The following FBXL13 variants were observed in gnomAD, a reference collection of about 807,000 sequenced individuals.
The protein encoded by FBXL13 is F-box and leucine-rich repeat protein 13.
A neutral mutation model predicts 83.6 loss-of-function variants in FBXL13; 67 were observed. The ratio of observed to expected loss-of-function variants is 0.80; its 90% confidence interval spans 0.66 to 0.98. The LOEUF (loss-of-function observed/expected upper bound fraction) is 0.98, where lower values mean the gene tolerates loss of function less well. FBXL13 is among the 50% of genes least tolerant of loss of function. FBXL13 has a pLI of 0.00. For missense variants in FBXL13, 822 were observed against 866.5 expected, an observed-to-expected ratio of 0.95 and a Z score of 0.64; for synonymous variants, 272 against 299.5, an observed-to-expected ratio of 0.91 and a Z score of 0.95.
chr7:102,850,926 G>A (rs184180165), intron 17 of FBXL13, among the ~76,000 whole-genome samples: 77 of 152,258 alleles, frequency 5.1e-4, no homozygotes, highest in Middle Eastern at 3.4e-3. Flanking sequence ...ATTGTTCCCA[G>A]TGAGCAACAG....
At chr7:102,972,990 G>A (rs1826911648) in intron 6 of FBXL13, among the ~76,000 whole-genome samples, 1 of 152,084 alleles carries the variant, frequency 6.6e-6, no homozygotes, top group Non-Finnish European at 1.5e-5. Context: ...TGTTTATAAT[G>A]TGGAATGATT....
intron 6 of FBXL13, among the ~76,000 whole-genome samples, chr7:103,020,226 C>G (rs1792970223): frequency 6.6e-6 from 1 of 152,204 alleles, no homozygotes; most frequent in Non-Finnish European, 1.5e-5. Flanking sequence ...GCAAAAACCA[C>G]ATGATTATCT....
chr7:102,964,864 T>C (rs985900818), intron 7 of FBXL13, among the ~76,000 whole-genome samples: 1 of 152,166 alleles, frequency 6.6e-6, no homozygotes, highest in African/African-American at 2.4e-5. Context: ...CCTAAATGTC[T>C]TTCGATAGGA....
At chr7:102,907,000 T>C (rs1813864962) in intron 11 of FBXL13, among the ~76,000 whole-genome samples, 1 of 152,104 alleles carries the variant, frequency 6.6e-6, no homozygotes, top group South Asian at 2.1e-4. Context: ...TGAGACTGAG[T>C]CTCGCTCTGT....
At chr7:102,881,354 T>C (rs1810030810) in intron 14 of FBXL13, among the ~76,000 whole-genome samples, 1 of 150,316 alleles carries the variant, frequency 6.7e-6, no homozygotes, top group South Asian at 2.1e-4. Flanking sequence ...GGAGAATCAT[T>C]TGAACCCAAC....
chr7:102,820,906 C>T (rs914705014), intron 19 of FBXL13, among the ~76,000 whole-genome samples: 1 of 152,210 alleles, frequency 6.6e-6, no homozygotes, highest in Non-Finnish European at 1.5e-5. Context: ...CTTGGGGGAC[C>T]ACATTCAAAC....
At chr7:102,944,178 A>G in intron 8 of FBXL13, 1 of 1,561,252 alleles carries the variant, frequency 6.4e-7, no homozygotes, top group Non-Finnish European at 8.7e-7. Context: ...TAACTCAATT[A>G]CTCAGGCTCA....
At chr7:102,820,112 G>A (rs1267885630) in intron 19 of FBXL13, among the ~76,000 whole-genome samples, 1 of 152,230 alleles carries the variant, frequency 6.6e-6, no homozygotes, top group Admixed American at 6.5e-5. Context: ...AGTGAGGACT[G>A]TCTTTCTCCA....
At chr7:102,947,096 A>G (rs958601594) in intron 8 of FBXL13, among the ~76,000 whole-genome samples, 1 of 152,202 alleles carries the variant, frequency 6.6e-6, no homozygotes. Flanking sequence ...GCCAGCTACT[A>G]CATTTCAAAT....
intron 11 of FBXL13, among the ~76,000 whole-genome samples, chr7:102,896,986 C>G (rs1174178703): frequency 3.3e-5 from 5 of 151,530 alleles, no homozygotes; most frequent in Non-Finnish European, 5.9e-5. Flanking sequence ...ATGGGGAGGG[C>G]TGTAGTGGAG....
rs538829995 is a variant in FBXL13 at position 102,874,216 on chromosome 7, C to T, written c.1635+3251G>A. ...TCCAGAGTTTAAATCCTGAATGTTA[C>T]GTCTGTAGTCAAATTTGCACTTACT... is the stretch of plus-strand genomic sequence containing the variant. On this transcript the variant is annotated intron_variant, in intron 16 of 19. Transcript: ENST00000313221. 746 of 291,118 alleles carry T rather than the reference C, an allele frequency of 2.6e-3. 3 individuals are homozygous for T. Among genetic ancestry groups the T allele is most frequent in the South Asian group, 8.0e-3 (60 of 7,474 alleles). 18.0% of individuals were successfully genotyped at this position (291,118 alleles called of 1,614,324 possible). A position where few individuals can be genotyped will look rare whatever the true frequency, so the allele number is the denominator to read the frequency against.
chr7:103,059,274 T>A (rs955347912), intron 1 of FBXL13, among the ~76,000 whole-genome samples: 17 of 152,144 alleles, frequency 1.1e-4, no homozygotes, highest in Admixed American at 1.1e-3. Context: ...AAAGACCTTG[T>A]CTCAAAAAAT....
intron 6 of FBXL13, among the ~76,000 whole-genome samples, chr7:103,008,492 T>C (rs1305676789): frequency 2.6e-5 from 4 of 152,244 alleles, no homozygotes; most frequent in African/African-American, 4.8e-5. Flanking sequence ...TGTACTGTGT[T>C]TGCAACTTTC....
intron 7 of FBXL13, among the ~76,000 whole-genome samples, 172 bp downstream of exon 8, chr7:102,967,850 T>A (rs1164057576): frequency 6.6e-6 from 1 of 152,276 alleles, no homozygotes; most frequent in Non-Finnish European, 1.5e-5. Context: ...AGCATTATTA[T>A]CTTTTTTATC....
chr7:102,857,164 T>C (rs1274393962), intron 16 of FBXL13, among the ~76,000 whole-genome samples: 2 of 151,940 alleles, frequency 1.3e-5, no homozygotes, highest in African/African-American at 4.9e-5. Flanking sequence ...CTTCAGGGCA[T>C]TGATCTTGGC....
Position 102,878,318 on chromosome 7 carries a change from T to G in FBXL13, c.1508+13A>C. On this transcript the variant is annotated intron_variant, in intron 15 of 19. Coordinates refer to ENST00000313221, the Ensembl canonical transcript of FBXL13. ...ATACTAATGATATGATGTAAAAGAC[T>G]GTTTTATCATACCGCTCAGATAGTT... 1.9e-6 allele frequency: 3 copies of G among 1,584,464 alleles called. No individual in the cohort carries two copies. Among genetic ancestry groups the G allele is most frequent in the Non-Finnish European group, 2.6e-6 (3 of 1,168,546 alleles).
In FBXL13 at chr7:102,987,093, G is replaced by T. The variant is rs145961355; in HGVS notation, c.496-18976C>A. 3.4e-3 allele frequency among the ~76,000 whole-genome samples: 511 copies of T among 152,266 alleles called. 1 individual carries two copies. The highest frequency in any genetic ancestry group is 6.1e-3 in the Non-Finnish European group (415 of 68,016). On this transcript the variant is annotated intron_variant, in intron 6 of 19. Transcript: ENST00000313221. ...TGTATGTTCTCACTTGTAAGTGGGA[G>T]CTAAGCTATGGGTATTCAAAGGTAT...
chr7:103,058,073 T>G (rs1022041500), intron 1 of FBXL13, among the ~76,000 whole-genome samples: 1 of 152,286 alleles, frequency 6.6e-6, no homozygotes, highest in African/African-American at 2.4e-5. Flanking sequence ...CTCTCAGCAA[T>G]TCTCATACTG....
Position 102,964,010 on chromosome 7 carries a change from C to G in FBXL13, c.592-345G>C, listed in dbSNP as rs552652744. On this transcript the variant is annotated intron_variant, in intron 7 of 19. Transcript: ENST00000313221. ...GATCCACATCATTATCAGATAAATG[C>G]AAATTGAAACCACAATGAGGTCGGG... 4.6e-5 allele frequency among the ~76,000 whole-genome samples: 7 copies of G among 152,218 alleles called. No homozygotes were observed. The South Asian group carries it at 1.0e-3, about 23-fold the overall frequency.
Sources: allele counts gnomAD v4.1 joint callset (sites outside exome capture counted in the v4.1 genomes callset), GRCh38; gene constraint gnomAD v4.1.1; transcripts MANE v1.5; gene names NCBI Gene and HGNC (gene_info 2026-07-23, HGNC 2026-07-21).